Variants in CELA1 observed in about 807,000 individuals in gnomAD.
The protein encoded by CELA1 is chymotrypsin-like elastase family member 1.
A neutral mutation model predicts 34.8 loss-of-function variants in CELA1; 28 were observed. The ratio of observed to expected loss-of-function variants is 0.80; its 90% CI spans 0.60 to 1.10. The LOEUF (loss-of-function observed/expected upper bound fraction) is 1.10. Ranked by LOEUF, CELA1 falls within the 50% of genes least tolerant of loss-of-function variation. CELA1 has a pLI of 0.00. For missense variants in CELA1, 288 were observed against 327.5 expected, an observed-to-expected ratio of 0.88 and a Z score of 0.93; for synonymous variants, 140 against 129.8, an observed-to-expected ratio of 1.08 and a Z score of -0.53.
intron 6 of CELA1, among the ~76,000 whole-genome samples, chr12:51,330,810 A>G (rs1946464749): frequency 6.6e-6 from 1 of 151,530 alleles, no homozygotes; most frequent in Admixed American, 6.6e-5. Context: ...CTCTACTAAA[A>G]ATACAAAAAA....
intron 6 of CELA1, among the ~76,000 whole-genome samples, chr12:51,337,000 T>C (rs555685484): frequency 6.6e-6 from 1 of 152,328 alleles, no homozygotes; most frequent in South Asian, 2.1e-4. Flanking sequence ...TTAGAAGTCT[T>C]TGATGGCTTC....
intron 6 of CELA1, among the ~76,000 whole-genome samples, chr12:51,330,693 G>A (rs999050553): frequency 6.6e-6 from 1 of 152,134 alleles, no homozygotes; most frequent in Non-Finnish European, 1.5e-5. Context: ...GCCTCTAGCC[G>A]GGCCCAGTGA....
Position 51,338,255 on chromosome 12 carries a change from T to TACACACACACAC in CELA1, c.609+1593_609+1604dup, listed in dbSNP as rs758082342. Among the ~76,000 whole-genome samples the TACACACACACAC allele has an allele frequency of 5.6e-3, 649 of 116,818 alleles. 4 individuals are homozygous for TACACACACACAC. Among genetic ancestry groups the TACACACACACAC allele is most frequent in the African/African-American group, 0.013 (386 of 30,684 alleles). The allele number at this position is 116,818 out of a possible 152,430, so 76.6% of individuals were successfully genotyped here. A position where few individuals can be genotyped will look rare whatever the true frequency, so the allele number is the denominator to read the frequency against. On this transcript the variant is annotated intron_variant, in intron 6 of 7. Transcript: ENST00000293636. ...TCCATCTCAGGAAAAAAAAAAAACATACACACACACACACACACACACACA... is the reference window on the plus strand; with the variant it reads ...TCCATCTCAGGAAAAAAAAAAAACATACACACACACACACACACACACACACACACACACACA...
intron 6 of CELA1, among the ~76,000 whole-genome samples, chr12:51,337,177 A>G (rs1014415935): frequency 6.6e-6 from 1 of 152,092 alleles, no homozygotes; most frequent in Non-Finnish European, 1.5e-5. Flanking sequence ...AGGGCCAAAC[A>G]GTACATATTT....
At chr12:51,330,966 T>C in intron 6 of CELA1, among the ~76,000 whole-genome samples, 1 of 92,728 alleles carries the variant, frequency 1.1e-5, no homozygotes, top group Non-Finnish European at 2.3e-5. Flanking sequence ...TGAGACTCTG[T>C]CTCAAAAAAA....
intron 5 of CELA1, among the ~76,000 whole-genome samples, chr12:51,340,364 A>C (rs977853028): frequency 4.0e-5 from 6 of 148,660 alleles, no homozygotes; most frequent in Admixed American, 2.7e-4. Context: ...GGGATTGTGC[A>C]TGCTTGTTTC....
chr12:51,338,486 C>A (rs1371079575), intron 6 of CELA1, among the ~76,000 whole-genome samples: 1 of 152,066 alleles, frequency 6.6e-6, no homozygotes, highest in African/African-American at 2.4e-5. Context: ...TGCCTTTATT[C>A]ATGCCGTTCC....
Position 51,332,446 on chromosome 12 carries a change from TA to T in CELA1, c.610-2614del, listed in dbSNP as rs573812382. 3.7e-3 allele frequency among the ~76,000 whole-genome samples: 559 copies of T among 152,254 alleles called. 5 individuals are homozygous for T. The highest frequency in any genetic ancestry group is 0.013 in the African/African-American group (539 of 41,544). ...GTGTAAGTATATAATTTTAAAGATG[TA>T]GACACCAAAAGAATCAGCTGAAGAG... On this transcript the variant is annotated intron_variant, in intron 6 of 7. Coordinates refer to ENST00000293636, the MANE Select transcript of CELA1 (RefSeq NM_001971.6).
intron 6 of CELA1, among the ~76,000 whole-genome samples, chr12:51,333,008 C>A (rs1360259967): frequency 6.6e-6 from 1 of 152,040 alleles, no homozygotes; most frequent in Non-Finnish European, 1.5e-5. Flanking sequence ...CGGCTCACTG[C>A]AACCACCACC....
At chr12:51,338,390 C>T (rs959252476) in intron 6 of CELA1, among the ~76,000 whole-genome samples, 3 of 151,740 alleles carry the variant, frequency 2.0e-5, no homozygotes, top group African/African-American at 7.3e-5. Context: ...CTAGATTCGG[C>T]TTGTGGACCT....
At chr12:51,329,886 T>C (rs1391627785) in intron 6 of CELA1, 53 bp from the exon 7 acceptor site, 1 of 1,514,838 alleles carries the variant, frequency 6.6e-7, no homozygotes, top group African/African-American at 1.4e-5. Context: ...GGCTTTTGCT[T>C]GCACTCCCCC....
intron 6 of CELA1, among the ~76,000 whole-genome samples, chr12:51,339,498 C>T (rs549498727): frequency 3.5e-4 from 53 of 152,186 alleles, no homozygotes; most frequent in African/African-American, 1.3e-3. Flanking sequence ...TTGCAGTGAG[C>T]CGAGATCGTC....
chr12:51,341,502 G>C (rs1192527513), intron 4 of CELA1, 122 bp from the exon 5 acceptor site: 1 of 1,052,414 alleles, frequency 9.5e-7, no homozygotes, highest in Non-Finnish European at 1.4e-6. Flanking sequence ...CTTTGAAGAA[G>C]GACGGGGCTC....
intron 5 of CELA1, among the ~76,000 whole-genome samples, chr12:51,340,388 CT>C (rs11315182): frequency 0.33 from 40,115 of 121,116 alleles, 5,952 homozygotes; most frequent in Middle Eastern, 0.43. Flanking sequence ...TTCTTTCTTT[CT>C]TTTTTTTTTT....
intron 5 of CELA1, among the ~76,000 whole-genome samples, chr12:51,340,360 G>A (rs574416212): frequency 6.6e-6 from 1 of 150,388 alleles, no homozygotes; most frequent in East Asian, 1.9e-4. Context: ...AAATGGGATT[G>A]TGCATGCTTG....
rs143745656 is a variant in CELA1 at position 51,334,472 on chromosome 12, T to C, written c.610-4639A>G. Among the ~76,000 whole-genome samples, 755 of 152,238 alleles carry C rather than the reference T, an allele frequency of 5.0e-3. 5 individuals are homozygous for C. The highest frequency in any genetic ancestry group is 0.017 in the African/African-American group (698 of 41,550). On this transcript the variant is annotated intron_variant, in intron 6 of 7. Transcript: ENST00000293636. Reference sequence around the variant, plus strand: ...TCTTTGAGACAGAGTCTTGCTCTGTTGCCCAGGCTGGAGTGCAGTGGCACG... The same window carrying C: ...TCTTTGAGACAGAGTCTTGCTCTGTCGCCCAGGCTGGAGTGCAGTGGCACG...
intron 6 of CELA1, among the ~76,000 whole-genome samples, chr12:51,335,119 C>T (rs1444369976): frequency 6.6e-6 from 1 of 152,222 alleles, no homozygotes; most frequent in Non-Finnish European, 1.5e-5. Flanking sequence ...TGGTATCCCT[C>T]TTCCTGTTCA....
Position 51,328,509 on chromosome 12 carries a change from T to C in CELA1, c.*68A>G. The C allele has an allele frequency of 6.5e-7, 1 of 1,529,450 alleles. No homozygotes were observed. The highest frequency in any genetic ancestry group is 9.1e-7 in the Non-Finnish European group (1 of 1,103,306). The allele number at this position is 1,529,450 out of a possible 1,614,324, so 94.7% of individuals were successfully genotyped here. ...ATAGTCTTTCAGAATGTGTTTTACT[T>C]TTTGATCGCAAGTCCTACTGCAGAT... On this transcript the variant is annotated 3_prime_UTR_variant, in exon 8 of 8. Coordinates refer to ENST00000293636, the MANE Select transcript of CELA1 (RefSeq NM_001971.6).
At chr12:51,328,798 A>G (rs1946451285) in intron 7 of CELA1, among the ~76,000 whole-genome samples, 1 of 152,178 alleles carries the variant, frequency 6.6e-6, no homozygotes, top group Non-Finnish European at 1.5e-5. Context: ...AGTGGCAAAG[A>G]CAGACCTTGA....
Sources: allele counts gnomAD v4.1 joint callset (sites outside exome capture counted in the v4.1 genomes callset), GRCh38; gene constraint gnomAD v4.1.1; transcripts MANE v1.5; gene names NCBI Gene and HGNC (gene_info 2026-07-23, HGNC 2026-07-21).